GPC5: variants seen among roughly 807,000 people sequenced by gnomAD.
GPC5 encodes glypican-5.
Under a neutral mutation model 53.9 loss-of-function variants are expected in GPC5, and 47 were observed. That is an observed-to-expected ratio of 0.87 (90% confidence interval 0.69 to 1.11). The LOEUF is 1.11. Ranked by LOEUF, GPC5 falls within the 50% of genes most tolerant of loss-of-function variation. The pLI, the probability that GPC5 is intolerant of heterozygous loss-of-function variation, is 0.00. For synonymous variants in GPC5, 286 were observed against 263.3 expected, an observed-to-expected ratio of 1.09 and a Z score of -0.84; for missense variants, 748 against 713.1, an observed-to-expected ratio of 1.05 and a Z score of -0.56.
chr13:91,934,191 C>CTAGAAATGGGA (rs1454940101), intron 6 of GPC5, among the ~76,000 whole-genome samples: 1 of 151,658 alleles, frequency 6.6e-6, no homozygotes, highest in East Asian at 1.9e-4. Context: ...AGGTCTGTAC[C>CTAGAAATGGGA]AAAATGGGAA....
At chr13:92,251,145 G>A (rs2042690028) in intron 7 of GPC5, among the ~76,000 whole-genome samples, 1 of 152,034 alleles carries the variant, frequency 6.6e-6, no homozygotes, top group Non-Finnish European at 1.5e-5. Flanking sequence ...TGATATATAG[G>A]GAAGTGAAGC....
At chr13:92,339,909 G>C (rs1270102055) in intron 7 of GPC5, 1 of 152,050 alleles carries the variant, frequency 6.6e-6, no homozygotes, top group African/African-American at 2.4e-5. Context: ...ATGTATTTAT[G>C]ATGATAAATG....
intron 7 of GPC5, among the ~76,000 whole-genome samples, chr13:92,385,805 A>ACG (rs1874686516): frequency 4.4e-5 from 1 of 22,948 alleles, no homozygotes. Flanking sequence ...ATATATACGT[A>ACG]TATATATACA....
intron 7 of GPC5, among the ~76,000 whole-genome samples, chr13:92,464,874 A>T (rs1878630472): frequency 6.6e-6 from 1 of 151,892 alleles, no homozygotes. Context: ...ATATACAAAG[A>T]TAAAAAGATT....
rs188486090 is a variant in GPC5 at position 92,289,842 on chromosome 13, A to C, written c.1561+144853A>C. ...ATTTTTATATTTTTATTTTATATAC[A>C]TTTTTCAAAAGCTCATAATCTGCCT... On this transcript the variant is annotated intron_variant, in intron 7 of 7. Coordinates refer to ENST00000377067, the MANE Select transcript of GPC5 (RefSeq NM_004466.6). 8.6e-4 allele frequency among the ~76,000 whole-genome samples: 131 copies of C among 152,066 alleles called. No homozygotes were observed. The East Asian group carries it at 0.011, about 13-fold the overall frequency.
At chr13:91,895,394 G>C (rs2039430711) in intron 5 of GPC5, among the ~76,000 whole-genome samples, 1 of 152,210 alleles carries the variant, frequency 6.6e-6, no homozygotes, top group Non-Finnish European at 1.5e-5. Context: ...AAATGAGGAA[G>C]ACTATGTAAT....
chr13:91,849,587 C>T (rs1216324225), intron 5 of GPC5, among the ~76,000 whole-genome samples: 1 of 151,946 alleles, frequency 6.6e-6, no homozygotes, highest in Non-Finnish European at 1.5e-5. Context: ...TACCGGCTTA[C>T]TGAACTTTAA....
intron 7 of GPC5, among the ~76,000 whole-genome samples, chr13:92,395,367 G>A (rs757950504): frequency 1.2e-4 from 18 of 152,006 alleles, no homozygotes; most frequent in Admixed American, 2.6e-4. Context: ...TGTGGTGTAG[G>A]TTTCTTATAA....
intron 7 of GPC5, among the ~76,000 whole-genome samples, chr13:92,226,020 G>T (rs936683535): frequency 4.6e-5 from 7 of 152,146 alleles, no homozygotes; most frequent in African/African-American, 1.4e-4. Flanking sequence ...TTGGATCATG[G>T]AGGTGGATTT....
intron 7 of GPC5, among the ~76,000 whole-genome samples, chr13:92,197,673 TTTTTTTGTA>T (rs906083807): frequency 2.0e-5 from 3 of 151,770 alleles, no homozygotes; most frequent in African/African-American, 7.3e-5. Context: ...AATTTTTTTT[TTTTTTTGTA>T]TTTTTGTATT....
intron 7 of GPC5, among the ~76,000 whole-genome samples, chr13:92,706,635 G>T (rs1293798951): frequency 6.6e-6 from 1 of 152,132 alleles, no homozygotes; most frequent in African/African-American, 2.4e-5. Context: ...AGTCAAGAGA[G>T]TTGAAATGTC....
intron 5 of GPC5, among the ~76,000 whole-genome samples, chr13:91,794,251 T>C (rs2990004): frequency 6.6e-6 from 1 of 151,976 alleles, no homozygotes; most frequent in African/African-American, 2.4e-5. Context: ...CTTAGACTAG[T>C]GAGACAGTAG....
chr13:92,457,396 A>G (rs1397109055), intron 7 of GPC5, among the ~76,000 whole-genome samples: 1 of 152,066 alleles, frequency 6.6e-6, no homozygotes, highest in Non-Finnish European at 1.5e-5. Context: ...GTCTCTGCTT[A>G]CTAGATTACC....
intron 6 of GPC5, among the ~76,000 whole-genome samples, chr13:92,068,526 T>C (rs187668558): frequency 6.6e-6 from 1 of 151,742 alleles, no homozygotes; most frequent in African/African-American, 2.4e-5. Context: ...ACAGTTCTTA[T>C]TGAACTGACT....
chr13:92,541,617 C>T (rs1320784622), intron 7 of GPC5, among the ~76,000 whole-genome samples: 1 of 151,574 alleles, frequency 6.6e-6, no homozygotes, highest in Non-Finnish European at 1.5e-5. Flanking sequence ...AACAGAAGTT[C>T]TTAATTTTAA....
At chr13:92,023,585 G>A (rs1166902020) in intron 6 of GPC5, among the ~76,000 whole-genome samples, 1 of 151,524 alleles carries the variant, frequency 6.6e-6, no homozygotes, top group Admixed American at 6.6e-5. Context: ...AGCTAAGATT[G>A]AGATTCCATA....
chr13:91,510,049 A>G (rs1428263625), intron 2 of GPC5, among the ~76,000 whole-genome samples: 1 of 152,134 alleles, frequency 6.6e-6, no homozygotes, highest in Admixed American at 6.6e-5. Flanking sequence ...CTTACATATA[A>G]AACATACTAT....
chr13:91,819,325 A>C (rs1437240483), intron 5 of GPC5, among the ~76,000 whole-genome samples: 1 of 151,716 alleles, frequency 6.6e-6, no homozygotes, highest in African/African-American at 2.4e-5. Context: ...ACGCCCAGCT[A>C]ATTTTTTGTA....
At chr13:91,410,563 G>C (rs1289747936) in intron 1 of GPC5, among the ~76,000 whole-genome samples, 2 of 151,414 alleles carry the variant, frequency 1.3e-5, no homozygotes, top group Admixed American at 6.6e-5. Flanking sequence ...AGCCAGGATG[G>C]TCTCGATCTC....
Sources: gnomAD v4.1 joint callset for allele counts (sites outside exome capture counted in the v4.1 genomes callset) on GRCh38, gnomAD v4.1.1 for gene constraint, MANE v1.5 for transcripts, NCBI Gene and HGNC (gene_info 2026-07-23, HGNC 2026-07-21) for gene names.